ZNF710: variants seen among roughly 807,000 people sequenced by gnomAD.
ZNF710 encodes zinc finger protein 710.
In ZNF710, 13 loss-of-function variants were observed where a neutral mutation model predicts 50.6. That is an observed-to-expected ratio of 0.26 (90% CI 0.17 to 0.41). The LOEUF (loss-of-function observed/expected upper bound fraction) is 0.41. Ranked by LOEUF, ZNF710 falls within the 10% of genes least tolerant of loss-of-function variation. The pLI is 1.00. For synonymous variants in ZNF710, 383 were observed against 397.0 expected, an observed-to-expected ratio of 0.96 and a Z score of 0.42; for missense variants, 721 against 936.6, an observed-to-expected ratio of 0.77 and a Z score of 3.01.
intron 1 of ZNF710, among the ~76,000 whole-genome samples, chr15:90,033,653 G>A (rs1448892139): frequency 6.6e-6 from 1 of 152,098 alleles, no homozygotes; most frequent in Non-Finnish European, 1.5e-5. Flanking sequence ...TGACCTCCTG[G>A]GCCTGAGCGA....
chr15:90,023,185 G>C (rs1326560989), intron 1 of ZNF710, among the ~76,000 whole-genome samples: 2 of 152,128 alleles, frequency 1.3e-5, no homozygotes, highest in African/African-American at 4.8e-5. Flanking sequence ...GATGCGATGA[G>C]TCCAAAGCTC....
At chr15:90,011,367 C>G (rs1007513730) in intron 1 of ZNF710, among the ~76,000 whole-genome samples, 1 of 152,248 alleles carries the variant, frequency 6.6e-6, no homozygotes, top group Non-Finnish European at 1.5e-5. Flanking sequence ...CCACGGCCTC[C>G]CAGAGTGTTG....
intron 1 of ZNF710, among the ~76,000 whole-genome samples, chr15:90,047,169 A>T (rs1899490607): frequency 6.7e-6 from 1 of 148,278 alleles, no homozygotes; most frequent in African/African-American, 2.5e-5. Context: ...CCAGGGCCCC[A>T]GTTTCCCAGG....
intron 4 of ZNF710, among the ~76,000 whole-genome samples, chr15:90,077,206 C>T (rs1012542410): frequency 5.4e-5 from 8 of 147,512 alleles, no homozygotes; most frequent in South Asian, 2.1e-4. Flanking sequence ...GGACGGTGTA[C>T]AGAGATCCAC....
At chr15:90,023,536 G>A (rs930366668) in intron 1 of ZNF710, among the ~76,000 whole-genome samples, 6 of 152,310 alleles carry the variant, frequency 3.9e-5, no homozygotes, top group Middle Eastern at 3.4e-3. Flanking sequence ...ACTTGCAGGT[G>A]AACCAGGCAT....
chr15:90,062,963 A>G lies in ZNF710; in HGVS notation c.-28-4147A>G, dbSNP rs148468056. Among the ~76,000 whole-genome samples, 2 of 152,156 alleles carry G rather than the reference A, an allele frequency of 1.3e-5. No individual in the cohort carries two copies. Among genetic ancestry groups the G allele is most frequent in the African/African-American group, 4.8e-5 (2 of 41,444 alleles). On this transcript the variant is annotated intron_variant, in intron 1 of 4. Transcript: ENST00000268154. The surrounding 1 kb of genome is among the most constrained non-coding windows in gnomAD (Gnocchi z 5.6). ...GGGTGGTGTGTGTTCTACTCAGCCAAGTCTCCAGGCCAGTGTAAAAGAAAG... is the reference window on the plus strand; with the variant it reads ...GGGTGGTGTGTGTTCTACTCAGCCAGGTCTCCAGGCCAGTGTAAAAGAAAG...
chr15:90,032,244 C>T lies in ZNF710; in HGVS notation c.-29+30630C>T, dbSNP rs184959443. Among the ~76,000 whole-genome samples the T allele has an allele frequency of 5.4e-4, 82 of 152,192 alleles. 1 individual carries two copies. In the East Asian group the frequency reaches 0.014, roughly 26 times the overall value. On this transcript the variant is annotated intron_variant, in intron 1 of 4. Coordinates refer to ENST00000268154, the MANE Select transcript of ZNF710 (RefSeq NM_198526.4). The stretch of plus-strand genomic sequence containing the variant: ...AGCTCCCAACCTCAGGTGATCCTCC[C>T]GCCTCGGTCTCCCAAAGTGCTGGGA...
chr15:90,057,690 AAAT>A lies in ZNF710; in HGVS notation c.-28-9386_-28-9384del, dbSNP rs71151550. On this transcript the variant is annotated intron_variant, in intron 1 of 4. Transcript: ENST00000268154. ...CCAGCCTGGGTTACAGAGCAAGACT[AAAT>A]AATAATAATAATAATAATAATAATA... 8.9e-3 allele frequency among the ~76,000 whole-genome samples: 1,246 copies of A among 139,486 alleles called. 9 individuals are homozygous for A. Among genetic ancestry groups the A allele is most frequent in the African/African-American group, 0.024 (891 of 36,698 alleles). 91.5% of individuals were successfully genotyped at this position (139,486 alleles called of 152,430 possible).
intron 4 of ZNF710, 21 bp from the exon 5 acceptor site, chr15:90,079,639 G>T: frequency 6.2e-7 from 1 of 1,607,992 alleles, no homozygotes; most frequent in South Asian, 1.1e-5. Context: ...AGCCAGGTCT[G>T]ACTGTGCCCC....
At chr15:90,050,017 CT>C (rs928911893) in intron 1 of ZNF710, among the ~76,000 whole-genome samples, 1 of 152,252 alleles carries the variant, frequency 6.6e-6, no homozygotes, top group Non-Finnish European at 1.5e-5. Flanking sequence ...TTGCGCGCTG[CT>C]CCTGCCTGCC....
chr15:90,066,910 G>C (rs1414497145), intron 1 of ZNF710, among the ~76,000 whole-genome samples, 200 bp from the exon 2 acceptor site: 1 of 152,206 alleles, frequency 6.6e-6, no homozygotes, highest in Admixed American at 6.5e-5. Context: ...CTCCCAGGGA[G>C]ATGGAGGAGA....
chr15:90,018,170 CTTT>C (rs5814406), intron 1 of ZNF710, among the ~76,000 whole-genome samples: 15 of 128,378 alleles, frequency 1.2e-4, no homozygotes, highest in Admixed American at 2.3e-4. Context: ...TTTCTTTTTT[CTTT>C]TTTTTTTTTT....
intron 4 of ZNF710, 94 bp downstream of exon 4, chr15:90,074,384 C>T: frequency 6.3e-7 from 1 of 1,581,304 alleles, no homozygotes; most frequent in Non-Finnish European, 8.5e-7. Context: ...GGGAGGCTGG[C>T]CAAGGCTGAG....
chr15:90,012,775 T>C (rs1306585967), intron 1 of ZNF710, among the ~76,000 whole-genome samples: 1 of 152,194 alleles, frequency 6.6e-6, no homozygotes, highest in African/African-American at 2.4e-5. Flanking sequence ...TGTGTTTTAC[T>C]CCATTGCAGT....
At chr15:90,035,428 G>A (rs1478966444) in intron 1 of ZNF710, among the ~76,000 whole-genome samples, 6 of 152,206 alleles carry the variant, frequency 3.9e-5, no homozygotes, top group Non-Finnish European at 7.3e-5. Context: ...CAGTGAGCTG[G>A]CTGCGGAAGG....
rs569353913 is a variant in ZNF710, at chr15:90,043,061, G to A, written c.-28-24049G>A. The stretch of plus-strand genomic sequence containing the variant: ...GCGGGCTTCTTTGGAGCAGTCCCTC[G>A]AGGGGACAGCCCATCCCAGGGCTGA... On this transcript the variant is annotated intron_variant, in intron 1 of 4. Transcript: ENST00000268154. Among the ~76,000 whole-genome samples, 7 of 152,334 alleles carry A rather than the reference G, an allele frequency of 4.6e-5. No homozygotes were observed. In the East Asian group the frequency reaches 5.8e-4, roughly 13 times the overall value.
At chr15:90,074,561 CTTTA>C in intron 4 of ZNF710, 1 of 1,366,198 alleles carries the variant, frequency 7.3e-7, no homozygotes, top group Non-Finnish European at 9.7e-7. Flanking sequence ...TGTGCCAGGC[CTTTA>C]TTAACTCATG....
chr15:90,012,837 T>C (rs1365491812), intron 1 of ZNF710, among the ~76,000 whole-genome samples: 1 of 152,156 alleles, frequency 6.6e-6, no homozygotes, highest in Non-Finnish European at 1.5e-5. Context: ...GATTATTTTT[T>C]TTTATTTCTG....
intron 1 of ZNF710, among the ~76,000 whole-genome samples, chr15:90,031,028 G>A (rs4932154): frequency 0.62 from 74,006 of 118,830 alleles, 25,044 homozygotes; most frequent in African/African-American, 0.83. Flanking sequence ...CAAAAAAAAA[G>A]AAAAAAAAAA....
Sources: allele counts gnomAD v4.1 joint callset (sites outside exome capture counted in the v4.1 genomes callset), GRCh38; gene constraint gnomAD v4.1.1; non-coding constraint Gnocchi (gnomAD v3.1); transcripts MANE v1.5; gene names NCBI Gene and HGNC (gene_info 2026-07-23, HGNC 2026-07-21).